The following PHF7 variants were observed in gnomAD, a reference collection of about 807,000 sequenced individuals.
The protein encoded by PHF7 is PHD finger protein 7.
A neutral mutation model predicts 47.5 loss-of-function variants in PHF7; 24 were observed. The ratio of observed to expected loss-of-function variants is 0.51; its 90% CI spans 0.37 to 0.71. PHF7 has a LOEUF of 0.71. PHF7 is among the 30% of genes least tolerant of loss of function. PHF7 has a pLI of 0.00. For missense variants in PHF7, 361 were observed against 456.8 expected (o/e 0.79, Z 1.91); for synonymous variants, 156 against 153.8 (o/e 1.01, Z -0.11).
intron 4 of PHF7, chr3:52,414,814 G>C: frequency 5.3e-6 from 1 of 188,104 alleles, no homozygotes; most frequent in Admixed American, 6.2e-5. Context: ...TTCAAGACCA[G>C]CCTGGGCAAC....
rs374400648 is a variant in PHF7, at chr3:52,414,476, C to T, written c.95-20C>T. 6.8e-7 allele frequency: 1 copy of T among 1,472,096 alleles called. No homozygotes were observed. The highest frequency in any genetic ancestry group is 9.5e-7 in the Non-Finnish European group (1 of 1,053,656). 91.2% of individuals were successfully genotyped at this position (1,472,096 alleles called of 1,614,324 possible). ...CTTAATGGTCAATTTGAGCCAAATT[C>T]TGGGTGTCCTCTCTTCCAGTTTGCT... On this transcript the variant is annotated intron_variant, in intron 3 of 10. Coordinates refer to ENST00000327906, the MANE Select transcript of PHF7 (RefSeq NM_016483.7).
In PHF7 at chr3:52,416,188, GTT is replaced by G. The variant is rs1010028983; in HGVS notation, c.186+1615_186+1616del. Among the ~76,000 whole-genome samples the G allele has an allele frequency of 3.1e-3, 431 of 137,916 alleles. 1 individual carries two copies. The highest frequency in any genetic ancestry group is 0.011 in the African/African-American group (407 of 37,688). 90.5% of individuals were successfully genotyped at this position (137,916 alleles called of 152,430 possible). ...TTCACATATTTTCTTTGGTTTTTTG[GTT>G]TTTTTTTTTTTTTGAGATGGAGTCT... On this transcript the variant is annotated intron_variant, in intron 4 of 10. Coordinates refer to ENST00000327906, the MANE Select transcript of PHF7 (RefSeq NM_016483.7).
At chr3:52,411,840 T>C (rs1669385611) in intron 1 of PHF7, among the ~76,000 whole-genome samples, 1 of 152,232 alleles carries the variant, frequency 6.6e-6, no homozygotes, top group East Asian at 1.9e-4. Context: ...TCTGCACTTT[T>C]GGCTATTGTA....
rs1398556746 is a variant in PHF7 at position 52,416,472 on chromosome 3, C to G, written c.186+1885C>G. Among the ~76,000 whole-genome samples, 4 of 151,310 alleles carry G rather than the reference C, an allele frequency of 2.6e-5. No individual in the cohort carries two copies. In the East Asian group the frequency reaches 7.8e-4, roughly 30 times the overall value. On this transcript the variant is annotated intron_variant, in intron 4 of 10. Coordinates refer to ENST00000327906, the MANE Select transcript of PHF7 (RefSeq NM_016483.7). Reference sequence around the variant, plus strand: ...GTGCTGGGATTACAGGCGTGAGCCACCGCGCCTGGCCCGGCCCACATATTT... The same window carrying G: ...GTGCTGGGATTACAGGCGTGAGCCAGCGCGCCTGGCCCGGCCCACATATTT...
intron 8 of PHF7, chr3:52,422,008 C>G: frequency 3.3e-6 from 2 of 598,644 alleles, no homozygotes; most frequent in Non-Finnish European, 6.0e-6. Flanking sequence ...TATTGGATTC[C>G]AGAGTGGAAC....
chr3:52,414,093 C>T (rs756837553), intron 3 of PHF7, 45 bp downstream of exon 3: 25 of 1,406,326 alleles, frequency 1.8e-5, no homozygotes, highest in Non-Finnish European at 2.5e-5. Flanking sequence ...CTCCAGCCCT[C>T]AGCAAAGAAG....
rs758873516 is a variant in PHF7, at chr3:52,420,942, A to G, written c.453A>G (p.Gln151=). The part of the protein sequence containing the change: ...CDKHRPTQNI[Q]HGHVGEESCI... ...AACATCGCCCAACACAGAACATCCA[A>G]CATGGGCATGTGGGGGAGGAAAGCT... The change falls in exon 7 of 11, where the codon CAA becomes CAG. Residue 151 remains glutamine, a synonymous_variant. Transcript: ENST00000327906. 6 of 1,613,474 alleles carry G rather than the reference A, an allele frequency of 3.7e-6. No individual in the cohort carries two copies. Among genetic ancestry groups the G allele is most frequent in the East Asian group, 2.2e-5 (1 of 44,838 alleles).
At chr3:52,421,607 G>C (rs776544554) in intron 7 of PHF7, 41 bp from the exon 8 acceptor site, 6 of 1,134,024 alleles carry the variant, frequency 5.3e-6, no homozygotes, top group South Asian at 1.2e-5. Flanking sequence ...GTAGTCAAAG[G>C]GTTTTTACAA....
At chr3:52,420,774 C>T (rs941707995) in intron 6 of PHF7, 129 bp from the exon 7 acceptor site, 4 of 798,552 alleles carry the variant, frequency 5.0e-6, no homozygotes, top group African/African-American at 3.5e-5. Flanking sequence ...TTCACTCTGC[C>T]TCTCCTCTTC....
At chr3:52,421,274 T>C (rs1007399405) in intron 7 of PHF7, among the ~76,000 whole-genome samples, 1 of 152,182 alleles carries the variant, frequency 6.6e-6, no homozygotes, top group African/African-American at 2.4e-5. Flanking sequence ...AGATTTAGAA[T>C]AAGCAAAATC....
intron 4 of PHF7, among the ~76,000 whole-genome samples, chr3:52,418,398 T>C (rs1372813075): frequency 6.6e-6 from 1 of 152,260 alleles, no homozygotes; most frequent in East Asian, 1.9e-4. Flanking sequence ...TATAGTTTTT[T>C]CTTTTTAGTA....
intron 2 of PHF7, among the ~76,000 whole-genome samples, chr3:52,413,344 T>G (rs1423762056): frequency 1.3e-5 from 2 of 152,206 alleles, no homozygotes; most frequent in East Asian, 3.8e-4. Flanking sequence ...TTTTGGTTCA[T>G]TTCAGTATGC....
intron 4 of PHF7, among the ~76,000 whole-genome samples, chr3:52,418,066 A>G (rs1705674805): frequency 6.6e-6 from 1 of 152,208 alleles, no homozygotes; most frequent in Non-Finnish European, 1.5e-5. Context: ...AGTTTGTTAC[A>G]TCAACTAAAT....
chr3:52,413,968 C>T (rs1435393570), intron 2 of PHF7, 28 bp from the exon 3 acceptor site: 2 of 1,530,976 alleles, frequency 1.3e-6, no homozygotes, highest in East Asian at 4.5e-5. Flanking sequence ...CCAAAGAACA[C>T]CTTGTGCTTC....
intron 1 of PHF7, among the ~76,000 whole-genome samples, chr3:52,412,307 C>T (rs1705473177): frequency 6.6e-6 from 1 of 152,192 alleles, no homozygotes; most frequent in Admixed American, 6.5e-5. Context: ...TCACAGGCTC[C>T]TTTGCTTAGG....
rs1288940850 is a variant in PHF7, at chr3:52,414,661, C to T, written c.186+74C>T. 33 of 802,516 alleles carry T rather than the reference C, an allele frequency of 4.1e-5. 1 individual carries two copies. Among genetic ancestry groups the T allele is most frequent in the South Asian group, 3.0e-4 (19 of 64,146 alleles). 49.7% of individuals were successfully genotyped at this position (802,516 alleles called of 1,614,324 possible). The stretch of plus-strand genomic sequence containing the variant: ...ACTGACTGTTCTCTGTTACATTCAT[C>T]CTCATATCCACAGCCTTGTTTTTTT... On this transcript the variant is annotated intron_variant, in intron 4 of 10. Transcript: ENST00000327906.
Position 52,412,895 on chromosome 3 carries a change from G to A in PHF7, c.16G>A (p.Glu6Lys). 6.2e-7 allele frequency: 1 copy of A among 1,610,436 alleles called. No homozygotes were observed. The highest frequency in any genetic ancestry group is 8.5e-7 in the Non-Finnish European group (1 of 1,177,174). Residue 6 changes from glutamate to lysine, a missense_variant, in exon 2 of 11, where the codon GAA becomes AAA. Physicochemically the swap from Glu to Lys is moderately conservative, Grantham distance 56. Transcript: ENST00000327906. ...ACAGCACCGAATGAAGACTGTAAAA[G>A]AAAAGAAGGAATGCCAGAGATTGAG... is the stretch of plus-strand genomic sequence containing the variant. MKTVK[E>K]KKECQRLRKS...
intron 1 of PHF7, 97 bp from the exon 2 acceptor site, chr3:52,412,714 G>C (rs1705489620): frequency 3.2e-6 from 2 of 625,314 alleles, no homozygotes; most frequent in South Asian, 3.9e-5. Context: ...TCCATCACAT[G>C]GGTTGGGAGG....
Position 52,423,246 on chromosome 3 carries a change from C to T in PHF7, c.1075C>T (p.Arg359Cys), listed in dbSNP as rs372765636. Reference protein sequence around the residue: ...PSLLEKPESSRGRRSYSWRSK... With the variant: ...PSLLEKPESSCGRRSYSWRSK... ...CTTATTAGAAAAGCCAGAGTCCTCT[C>T]GTGGCAGGAGGAGCTACTCCTGGAG... The change falls in exon 11 of 11, where the codon CGT becomes TGT. Residue 359 changes from arginine (R) to cysteine (C), a missense_variant. Coordinates refer to ENST00000327906, the MANE Select transcript of PHF7 (RefSeq NM_016483.7). 3.0e-5 allele frequency: 48 copies of T among 1,614,000 alleles called. No individual in the cohort carries two copies. Among genetic ancestry groups the T allele is most frequent in the East Asian group, 2.2e-5 (1 of 44,904 alleles).
Sources: allele counts gnomAD v4.1 joint callset (sites outside exome capture counted in the v4.1 genomes callset), GRCh38; gene constraint gnomAD v4.1.1; transcripts MANE v1.5; gene names NCBI Gene and HGNC (gene_info 2026-07-23, HGNC 2026-07-21).